The following SLC25A21 variants were observed in gnomAD, a reference collection of about 807,000 sequenced individuals.
The protein encoded by SLC25A21 is solute carrier family 25 member 21.
SLC25A21 carries 47 observed loss-of-function variants against 43.8 expected under a neutral mutation model. The ratio of observed to expected loss-of-function variants is 1.07; its 90% CI spans 0.85 to 1.37. The LOEUF is 1.37. SLC25A21 is among the 40% of genes most tolerant of loss of function. The pLI, the probability that SLC25A21 is intolerant of heterozygous loss-of-function variation, is 0.00. For missense variants in SLC25A21, 352 were observed against 350.2 expected, an observed-to-expected ratio of 1.00 and a Z score of -0.04; for synonymous variants, 131 against 121.3, an observed-to-expected ratio of 1.08 and a Z score of -0.52.
At chr14:36,724,862 G>A (rs1167441381) in intron 6 of SLC25A21, among the ~76,000 whole-genome samples, 1 of 150,234 alleles carries the variant, frequency 6.7e-6, no homozygotes, top group African/African-American at 2.4e-5. Context: ...AAATGACTCA[G>A]TTTTTTTTTT....
chr14:36,696,131 C>T (rs1158808473), intron 7 of SLC25A21, among the ~76,000 whole-genome samples: 7 of 151,924 alleles, frequency 4.6e-5, no homozygotes, highest in African/African-American at 1.7e-4. Context: ...CTGTTGAATT[C>T]TGTCGAAGGC....
chr14:37,142,248 A>C (rs1295466839), intron 1 of SLC25A21, among the ~76,000 whole-genome samples: 5 of 152,258 alleles, frequency 3.3e-5, no homozygotes. Flanking sequence ...AACTTGTCCA[A>C]GGTCCCACCA....
At chr14:36,842,651 T>C (rs1313559431) in intron 2 of SLC25A21, among the ~76,000 whole-genome samples, 1 of 152,126 alleles carries the variant, frequency 6.6e-6, no homozygotes, top group Admixed American at 6.5e-5. Flanking sequence ...GAAGGAGACT[T>C]GAATGTAAGG....
chr14:36,893,167 A>G (rs1891129429), intron 1 of SLC25A21, among the ~76,000 whole-genome samples: 1 of 152,202 alleles, frequency 6.6e-6, no homozygotes, highest in Non-Finnish European at 1.5e-5. Flanking sequence ...TCCCACCAAC[A>G]GTGTAAAAGT....
intron 1 of SLC25A21, among the ~76,000 whole-genome samples, chr14:37,160,156 T>C (rs1439765147): frequency 6.6e-6 from 1 of 151,978 alleles, no homozygotes; most frequent in Non-Finnish European, 1.5e-5. Context: ...CATACAGAGA[T>C]TTCACACAAA....
At chr14:36,998,428 T>C (rs1960418360) in intron 1 of SLC25A21, among the ~76,000 whole-genome samples, 1 of 152,096 alleles carries the variant, frequency 6.6e-6, no homozygotes, top group Non-Finnish European at 1.5e-5. Flanking sequence ...TCATGAATCA[T>C]GAGGAATCAT....
chr14:37,005,873 T>C (rs1960592139), intron 1 of SLC25A21, among the ~76,000 whole-genome samples: 1 of 152,196 alleles, frequency 6.6e-6, no homozygotes, highest in Admixed American at 6.5e-5. Flanking sequence ...CTTTTTCTTT[T>C]CTCTTCATAA....
chr14:36,958,710 CACACACACAT>C (rs762150816), intron 1 of SLC25A21, among the ~76,000 whole-genome samples: 86 of 145,660 alleles, frequency 5.9e-4, no homozygotes, highest in African/African-American at 2.0e-3. Context: ...CACACACACA[CACACACACAT>C]GCAACAGAGC....
intron 3 of SLC25A21, among the ~76,000 whole-genome samples, chr14:36,809,313 T>A (rs1456974181): frequency 1.3e-5 from 2 of 152,166 alleles, no homozygotes. Context: ...TTTCTATGAG[T>A]TCTCTCTTCT....
intron 7 of SLC25A21, among the ~76,000 whole-genome samples, chr14:36,691,532 C>T (rs1882794408): frequency 6.6e-6 from 1 of 152,174 alleles, no homozygotes; most frequent in African/African-American, 2.4e-5. Context: ...TACTTCAACA[C>T]TTTGCTCAAT....
intron 3 of SLC25A21, among the ~76,000 whole-genome samples, chr14:36,763,819 A>G (rs1393901590): frequency 2.6e-5 from 4 of 151,666 alleles, no homozygotes; most frequent in African/African-American, 7.3e-5. Context: ...TCACAAGGTC[A>G]GGAGTTCAAG....
rs118006419 is a variant in SLC25A21 at position 36,935,195 on chromosome 14, C to G, written c.71-60191G>C. On this transcript the variant is annotated intron_variant, in intron 1 of 9. Coordinates refer to ENST00000331299, the MANE Select transcript of SLC25A21 (RefSeq NM_030631.4). Reference sequence around the variant, plus strand: ...AACTGCCCACACACTATCCAGAATGCGGCTCTGTCTAAACTCCTTAATGTT... The same window carrying G: ...AACTGCCCACACACTATCCAGAATGGGGCTCTGTCTAAACTCCTTAATGTT... Among the ~76,000 whole-genome samples, 5 of 152,094 alleles carry G rather than the reference C, an allele frequency of 3.3e-5. No homozygotes were observed. In the East Asian group the frequency reaches 9.6e-4, roughly 29 times the overall value.
chr14:37,061,898 C>A (rs1213204864), intron 1 of SLC25A21, among the ~76,000 whole-genome samples: 6 of 152,190 alleles, frequency 3.9e-5, no homozygotes, highest in African/African-American at 1.4e-4. Context: ...ATTTCAGGTT[C>A]TTGAAAGGCT....
At chr14:36,933,442 C>G (rs1025653464) in intron 1 of SLC25A21, among the ~76,000 whole-genome samples, 2 of 152,026 alleles carry the variant, frequency 1.3e-5, no homozygotes, top group Non-Finnish European at 2.9e-5. Context: ...GCTTCAACAG[C>G]AGAGCCATTT....
rs542454063 is a variant in SLC25A21 at position 36,893,507 on chromosome 14, G to A, written c.71-18503C>T. Among the ~76,000 whole-genome samples, 14 of 152,290 alleles carry A rather than the reference G, an allele frequency of 9.2e-5. No homozygotes were observed. In the East Asian group the frequency reaches 2.5e-3, roughly 27 times the overall value. ...ATTCTGTAGGTTGCCTGTTCACTCT[G>A]ATGGTAGTTTCTTTTGCTGTGCAGA... On this transcript the variant is annotated intron_variant, in intron 1 of 9. Transcript: ENST00000331299.
At chr14:36,756,662 G>A (rs1885942226) in intron 3 of SLC25A21, among the ~76,000 whole-genome samples, 1 of 152,226 alleles carries the variant, frequency 6.6e-6, no homozygotes, top group Non-Finnish European at 1.5e-5. Flanking sequence ...TTCTGAGCAT[G>A]AGGAAGGCTC....
At chr14:36,791,016 G>T (rs1396234485) in intron 3 of SLC25A21, among the ~76,000 whole-genome samples, 1 of 152,022 alleles carries the variant, frequency 6.6e-6, no homozygotes, top group Non-Finnish European at 1.5e-5. Flanking sequence ...TAAATAGCAA[G>T]AAATTTGTGA....
chr14:36,861,393 T>A (rs1890061370), intron 2 of SLC25A21, among the ~76,000 whole-genome samples: 1 of 152,204 alleles, frequency 6.6e-6, no homozygotes, highest in African/African-American at 2.4e-5. Context: ...TCCCATATGC[T>A]CGACTCAAAA....
At chr14:37,032,274 G>C (rs1461765597) in intron 1 of SLC25A21, among the ~76,000 whole-genome samples, 1 of 152,086 alleles carries the variant, frequency 6.6e-6, no homozygotes, top group Non-Finnish European at 1.5e-5. Flanking sequence ...GGTGGCTCAC[G>C]CTTGTAATCC....
Sources: gnomAD v4.1 joint callset for allele counts (sites outside exome capture counted in the v4.1 genomes callset) on GRCh38, gnomAD v4.1.1 for gene constraint, MANE v1.5 for transcripts, NCBI Gene and HGNC (gene_info 2026-07-23, HGNC 2026-07-21) for gene names.